The following DTNB variants were observed in gnomAD, a reference collection of about 807,000 sequenced individuals.
The protein encoded by DTNB is DTN-B.
A neutral mutation model predicts 90.7 loss-of-function variants in DTNB; 63 were observed. The ratio of observed to expected loss-of-function variants is 0.69; its 90% CI spans 0.57 to 0.86. The LOEUF is 0.86. Among genes scored for constraint, DTNB ranks in the 40% least tolerant of loss-of-function variants. The pLI is 0.00. For missense variants in DTNB, 744 were observed against 807.1 expected, an observed-to-expected ratio of 0.92 and a Z score of 0.95; for synonymous variants, 277 against 286.7, an observed-to-expected ratio of 0.97 and a Z score of 0.34.
chr2:25,538,488 G>A (rs1025624359), intron 8 of DTNB, among the ~76,000 whole-genome samples: 1 of 152,110 alleles, frequency 6.6e-6, no homozygotes, highest in African/African-American at 2.4e-5. Context: ...TTTTGCTCTT[G>A]CTGCCCAGTC....
In DTNB at chr2:25,576,974, C is replaced by G; in HGVS notation, c.740G>C (p.Arg247Pro). Reference sequence around the variant, plus strand: ...CCGGAAACCCATCATACTCTCACATCGGCAGTAGGAGCACTCCACGGGATG... The same window carrying G: ...CCGGAAACCCATCATACTCTCACATGGGCAGTAGGAGCACTCCACGGGATG... ...VFHPVECSYC[R>P]CESMMGFRYR... The change falls in exon 8 of 21, where the codon CGA (arginine) becomes CCA (proline). Residue 247 changes from arginine to proline, a missense_variant. Physicochemically the swap from Arg to Pro is moderately radical, Grantham distance 103. Coordinates refer to ENST00000406818, the MANE Select transcript of DTNB (RefSeq NM_021907.5). The G allele has an allele frequency of 6.2e-7, 1 of 1,609,964 alleles. No homozygotes were observed. Among genetic ancestry groups the G allele is most frequent in the Non-Finnish European group, 8.5e-7 (1 of 1,178,196 alleles).
At chr2:25,497,370 T>C (rs1231165425) in intron 9 of DTNB, 1 of 152,210 alleles carries the variant, frequency 6.6e-6, no homozygotes, top group Non-Finnish European at 1.5e-5. Flanking sequence ...TCCATTCCGA[T>C]GAGGACTTTA....
intron 4 of DTNB, among the ~76,000 whole-genome samples, chr2:25,615,388 G>A (rs960840440): frequency 6.6e-6 from 1 of 152,082 alleles, no homozygotes; most frequent in African/African-American, 2.4e-5. Flanking sequence ...CTTCCTTCTT[G>A]GAGGTTAAGG....
In DTNB at chr2:25,545,607, G is replaced by T. The variant is rs568951467; in HGVS notation, c.877-14010C>A. ...AGCCCCGTGTGGTTACTGAACACTA[G>T]AAATGCTGCTACTGGGCCTGAGGAA... On this transcript the variant is annotated intron_variant, in intron 8 of 20. Coordinates refer to ENST00000406818, the MANE Select transcript of DTNB (RefSeq NM_021907.5). Among the ~76,000 whole-genome samples, 6 of 152,308 alleles carry T rather than the reference G, an allele frequency of 3.9e-5. No homozygotes were observed. In the East Asian group the frequency reaches 1.2e-3, roughly 29 times the overall value.
chr2:25,433,025 G>A (rs1230420834), intron 13 of DTNB, 26 bp from the exon 14 acceptor site: 7 of 1,572,210 alleles, frequency 4.5e-6, no homozygotes, highest in Non-Finnish European at 4.3e-6. Flanking sequence ...GAACGGAAAG[G>A]GGCTGCACAG....
In DTNB at chr2:25,667,151, A is replaced by G. The variant is rs144294667; in HGVS notation, c.-2+6235T>C. ...AGAAGAAAACAAAATTAAAAAAAAA[A>G]AAAAGAAAAGAAAACAAAATCAAAA... On this transcript the variant is annotated intron_variant, in intron 1 of 20. Coordinates refer to ENST00000406818, the MANE Select transcript of DTNB (RefSeq NM_021907.5). 2.2e-4 allele frequency among the ~76,000 whole-genome samples: 33 copies of G among 152,114 alleles called. No individual in the cohort carries two copies. In the East Asian group the frequency reaches 5.2e-3, roughly 24 times the overall value.
In DTNB at chr2:25,542,175, C is replaced by T. The variant is rs777707995; in HGVS notation, c.877-10578G>A. Among the ~76,000 whole-genome samples, 10 of 152,176 alleles carry T rather than the reference C, an allele frequency of 6.6e-5. No homozygotes were observed. The East Asian group carries it at 7.7e-4, about 12-fold the overall frequency. ...TGTCACCCAGGCTGGAGTGCAGTGG[C>T]GCGATCTTGGCTCGCTGCAACCTCC... On this transcript the variant is annotated intron_variant, in intron 8 of 20. Coordinates refer to ENST00000406818, the MANE Select transcript of DTNB (RefSeq NM_021907.5).
At chr2:25,609,963 G>A (rs929186430) in intron 4 of DTNB, among the ~76,000 whole-genome samples, 3 of 152,178 alleles carry the variant, frequency 2.0e-5, no homozygotes. Flanking sequence ...TGCATGAAAA[G>A]ACACTGACCT....
chr2:25,623,749 T>TA (rs1374091655), intron 4 of DTNB, among the ~76,000 whole-genome samples: 4 of 152,052 alleles, frequency 2.6e-5, no homozygotes, highest in Non-Finnish European at 5.9e-5. Flanking sequence ...CAGCCTATAA[T>TA]AAAAAATAAC....
chr2:25,433,658 G>C (rs2149971062), intron 13 of DTNB, among the ~76,000 whole-genome samples: 1 of 152,208 alleles, frequency 6.6e-6, no homozygotes, highest in Middle Eastern at 3.4e-3. Context: ...ACACGGATGG[G>C]TGGGAGGAGG....
In DTNB at chr2:25,388,313, G is replaced by T; in HGVS notation, c.1624C>A (p.Arg542=). 6.2e-7 allele frequency: 1 copy of T among 1,613,288 alleles called. No homozygotes were observed. The highest frequency in any genetic ancestry group is 2.2e-5 in the East Asian group (1 of 44,870). Residue 542 remains arginine (R), a synonymous_variant, in exon 17 of 21, where the codon CGG becomes AGG. Transcript: ENST00000406818. ...PHTSPTHGGG[R]PMPMPVRSTS... The stretch of plus-strand genomic sequence containing the variant: ...GAGCGCACTGGCATGGGCATTGGCC[G>T]GCCGCCTCCATGGGTGGGCGATGTA...
At chr2:25,457,773 A>C (rs918339581) in intron 10 of DTNB, among the ~76,000 whole-genome samples, 1 of 152,180 alleles carries the variant, frequency 6.6e-6, no homozygotes, top group South Asian at 2.1e-4. Flanking sequence ...AAAATACTGT[A>C]ATTCTTGATT....
chr2:25,519,927 A>C (rs748049299), intron 9 of DTNB, among the ~76,000 whole-genome samples: 5 of 152,184 alleles, frequency 3.3e-5, no homozygotes, highest in Admixed American at 6.5e-5. Flanking sequence ...GTCTCCCATC[A>C]AAAGAAGAAA....
intron 16 of DTNB, among the ~76,000 whole-genome samples, chr2:25,389,055 C>T (rs1174392437): frequency 2.0e-5 from 3 of 152,130 alleles, no homozygotes; most frequent in Non-Finnish European, 4.4e-5. Context: ...AACACGTTGT[C>T]CAGGTTGGTC....
chr2:25,547,570 C>T (rs757859166), intron 8 of DTNB, among the ~76,000 whole-genome samples: 5 of 152,206 alleles, frequency 3.3e-5, no homozygotes, highest in Middle Eastern at 3.4e-3. Context: ...CTGATCCACC[C>T]GCCTTGGCCT....
At chr2:25,473,375 T>C (rs1034392807) in intron 10 of DTNB, among the ~76,000 whole-genome samples, 9 of 152,246 alleles carry the variant, frequency 5.9e-5, no homozygotes, top group African/African-American at 1.7e-4. Context: ...CATCACTTGA[T>C]GGAAGCAACT....
intron 16 of DTNB, among the ~76,000 whole-genome samples, chr2:25,404,790 G>A (rs1434066044): frequency 6.6e-6 from 1 of 152,168 alleles, no homozygotes; most frequent in African/African-American, 2.4e-5. Flanking sequence ...GGGAGACAGA[G>A]GTTGCAGTGA....
chr2:25,575,428 C>T (rs1044775644), intron 8 of DTNB, among the ~76,000 whole-genome samples: 22 of 151,418 alleles, frequency 1.5e-4, no homozygotes, highest in Non-Finnish European at 4.4e-5. Flanking sequence ...ACCACCACCA[C>T]CAAAAAAAAT....
chr2:25,473,171 G>C lies in DTNB; in HGVS notation c.1079+9625C>G, dbSNP rs187719548. Among the ~76,000 whole-genome samples, 7 of 152,322 alleles carry C rather than the reference G, an allele frequency of 4.6e-5. No individual in the cohort carries two copies. In the East Asian group the frequency reaches 1.4e-3, roughly 29 times the overall value. ...CCAATAAGATCCATGAAAAAGTTGA[G>C]AACTGTACCACAGCACTGATTTGCT... On this transcript the variant is annotated intron_variant, in intron 10 of 20. Transcript: ENST00000406818.
Sources: allele counts gnomAD v4.1 joint callset (sites outside exome capture counted in the v4.1 genomes callset), GRCh38; gene constraint gnomAD v4.1.1; transcripts MANE v1.5; gene names NCBI Gene and HGNC (gene_info 2026-07-23, HGNC 2026-07-21).